Variants in SLC1A3 observed in about 807,000 individuals in gnomAD.
SLC1A3 encodes solute carrier family 1 member 3.
Under a neutral mutation model 48.1 loss-of-function variants are expected in SLC1A3, and 21 were observed. That is an observed-to-expected ratio of 0.44 (90% CI 0.31 to 0.63). SLC1A3 has a LOEUF of 0.63. SLC1A3 is among the 20% of genes least tolerant of loss of function. SLC1A3 has a pLI of 0.08. For missense variants in SLC1A3, 546 were observed against 689.0 expected (o/e 0.79, Z 2.32); for synonymous variants, 239 against 251.4 (o/e 0.95, Z 0.47).
At chr5:36,665,734 AAG>A (rs1741714574) in intron 3 of SLC1A3, among the ~76,000 whole-genome samples, 1 of 152,194 alleles carries the variant, frequency 6.6e-6, no homozygotes, top group East Asian at 1.9e-4. Flanking sequence ...AGGCTTGGAG[AAG>A]CCACATGGTA....
chr5:36,616,126 A>G (rs897162989), intron 2 of SLC1A3, among the ~76,000 whole-genome samples: 2 of 152,080 alleles, frequency 1.3e-5, no homozygotes, highest in African/African-American at 2.4e-5. Context: ...ACCGGGAAGG[A>G]GGAGGTTGCA....
chr5:36,686,375 T>A lies in SLC1A3; in HGVS notation c.*106T>A. The A allele has an allele frequency of 1.1e-6, 1 of 912,734 alleles. No individual in the cohort carries two copies. The highest frequency in any genetic ancestry group is 1.3e-5 in the South Asian group (1 of 74,298). 56.5% of individuals were successfully genotyped at this position (912,734 alleles called of 1,614,324 possible). On this transcript the variant is annotated 3_prime_UTR_variant, in exon 10 of 10. Coordinates refer to ENST00000265113, the MANE Select transcript of SLC1A3 (RefSeq NM_004172.5). ...GCTCCAGCAAGCCCGTCATCTTCCC[T>A]TTCCTCCCTTCTGATAAGACTGGAA... is the stretch of plus-strand genomic sequence containing the variant.
At chr5:36,644,940 G>A (rs188259216) in intron 3 of SLC1A3, among the ~76,000 whole-genome samples, 85 of 152,236 alleles carry the variant, frequency 5.6e-4, no homozygotes, top group Non-Finnish European at 7.9e-4. Flanking sequence ...ACATACCCAA[G>A]TTCCCTCTCA....
At chr5:36,614,166 T>C (rs1165765805) in intron 2 of SLC1A3, among the ~76,000 whole-genome samples, 1 of 152,244 alleles carries the variant, frequency 6.6e-6, no homozygotes, top group East Asian at 1.9e-4. Context: ...CCAGTTCTGC[T>C]ATGCACAAGC....
chr5:36,645,831 G>T (rs1248669967), intron 3 of SLC1A3, among the ~76,000 whole-genome samples: 1 of 152,132 alleles, frequency 6.6e-6, no homozygotes, highest in Non-Finnish European at 1.5e-5. Flanking sequence ...GAGAGTTAGG[G>T]TTAATGTTTT....
intron 6 of SLC1A3, 80 bp downstream of exon 6, chr5:36,677,264 C>A: frequency 1.5e-6 from 2 of 1,301,522 alleles, no homozygotes; most frequent in Non-Finnish European, 2.2e-6. Context: ...GAGGAAGGTG[C>A]CACGAGGCAG....
intron 3 of SLC1A3, among the ~76,000 whole-genome samples, chr5:36,662,304 C>T (rs941138948): frequency 2.6e-5 from 4 of 152,146 alleles, no homozygotes; most frequent in Admixed American, 1.3e-4. Context: ...GGGTGGCTTT[C>T]GTCAGCCTGT....
At chr5:36,665,895 T>C (rs1330499026) in intron 3 of SLC1A3, among the ~76,000 whole-genome samples, 2 of 152,240 alleles carry the variant, frequency 1.3e-5, no homozygotes, top group Non-Finnish European at 2.9e-5. Flanking sequence ...TTACCAACAA[T>C]TTGGAATCTA....
At chr5:36,625,738 C>T (rs1739878173) in intron 2 of SLC1A3, among the ~76,000 whole-genome samples, 1 of 152,190 alleles carries the variant, frequency 6.6e-6, no homozygotes, top group Non-Finnish European at 1.5e-5. Flanking sequence ...AAAACTATCC[C>T]TTATAAATAA....
intron 1 of SLC1A3, among the ~76,000 whole-genome samples, chr5:36,599,398 A>G (rs929827472): frequency 3.3e-5 from 5 of 152,132 alleles, no homozygotes; most frequent in Non-Finnish European, 7.4e-5. Flanking sequence ...ACAAGGCACA[A>G]AAAATAGGAC....
intron 2 of SLC1A3, among the ~76,000 whole-genome samples, chr5:36,610,750 G>A (rs1410798545): frequency 6.6e-6 from 1 of 152,184 alleles, no homozygotes; most frequent in Non-Finnish European, 1.5e-5. Flanking sequence ...TCCTCACCCA[G>A]TGAGGGCTTT....
chr5:36,671,776 A>T (rs1268139873), intron 4 of SLC1A3, among the ~76,000 whole-genome samples: 9 of 152,230 alleles, frequency 5.9e-5, no homozygotes, highest in Non-Finnish European at 1.3e-4. Flanking sequence ...AAAAGAATAA[A>T]GGATGGCTTC....
rs1742628725 is a variant in SLC1A3, at chr5:36,686,012, C to T, written c.1425-53C>T. 5 of 1,475,366 alleles carry T rather than the reference C, an allele frequency of 3.4e-6. No homozygotes were observed. In the South Asian group the frequency reaches 5.7e-5, roughly 17 times the overall value. 91.4% of individuals were successfully genotyped at this position (1,475,366 alleles called of 1,614,324 possible). A position where few individuals can be genotyped will look rare whatever the true frequency, so the allele number is the denominator to read the frequency against. On this transcript the variant is annotated intron_variant, in intron 9 of 9. Coordinates refer to ENST00000265113, the MANE Select transcript of SLC1A3 (RefSeq NM_004172.5). ...GCCAGTTCCTAACGTAAGTTGAAAA[C>T]TTGTGATGCTCACGGGAGCCTCGTT...
chr5:36,604,812 C>CCA (rs1654876576), upstream of SLC1A3, among the ~76,000 whole-genome samples: 1 of 151,258 alleles, frequency 6.6e-6, no homozygotes, highest in Non-Finnish European at 1.5e-5. Flanking sequence ...AATGGAAATG[C>CCA]CACTGGGCTT....
At chr5:36,633,389 G>A (rs1322547619) in intron 3 of SLC1A3, among the ~76,000 whole-genome samples, 1 of 152,198 alleles carries the variant, frequency 6.6e-6, no homozygotes, top group East Asian at 1.9e-4. Context: ...AGGTGAGAGA[G>A]GAGTGTCAAC....
intron 3 of SLC1A3, among the ~76,000 whole-genome samples, chr5:36,661,230 G>A (rs182776147): frequency 6.6e-6 from 1 of 152,282 alleles, no homozygotes; most frequent in Admixed American, 6.5e-5. Flanking sequence ...AGGCCAACGT[G>A]GCGAAACCCC....
chr5:36,615,042 T>C (rs1739374785), intron 2 of SLC1A3, among the ~76,000 whole-genome samples: 1 of 152,142 alleles, frequency 6.6e-6, no homozygotes, highest in African/African-American at 2.4e-5. Context: ...TACCTTTCAT[T>C]TTTGTGGTGG....
chr5:36,682,964 A>T (rs115496122), intron 8 of SLC1A3, among the ~76,000 whole-genome samples: 1,605 of 152,350 alleles, frequency 0.011, 38 homozygotes, highest in African/African-American at 0.037. Flanking sequence ...ATACTTTACT[A>T]TTTATAAAAC....
intron 3 of SLC1A3, among the ~76,000 whole-genome samples, chr5:36,660,872 T>A (rs1262486386): frequency 6.6e-6 from 1 of 152,200 alleles, no homozygotes; most frequent in Non-Finnish European, 1.5e-5. Flanking sequence ...CCCTTCTGAA[T>A]TTTTCTCCAT....
Sources: gnomAD v4.1 joint callset for allele counts (sites outside exome capture counted in the v4.1 genomes callset) on GRCh38, gnomAD v4.1.1 for gene constraint, MANE v1.5 for transcripts, NCBI Gene and HGNC (gene_info 2026-07-23, HGNC 2026-07-21) for gene names.